Variants in TNIK observed in about 807,000 individuals in gnomAD.
The protein encoded by TNIK is TRAF2 and NCK interacting kinase.
In TNIK, 49 loss-of-function variants were observed where a neutral mutation model predicts 191.3. The ratio of observed to expected loss-of-function variants is 0.26; its 90% confidence interval spans 0.20 to 0.32. The LOEUF (loss-of-function observed/expected upper bound fraction) is 0.32. Among genes scored for constraint, TNIK ranks in the 10% least tolerant of loss-of-function variants. The pLI is 1.00. For synonymous variants in TNIK, 594 were observed against 600.9 expected (o/e 0.99, Z 0.17); for missense variants, 1,155 against 1,702.3 (o/e 0.68, Z 5.66).
In TNIK at chr3:171,200,524, T is replaced by C. The variant is rs138638895; in HGVS notation, c.307-5889A>G. ...ATGTTTCTCGTAGGATGTTTTCTCA[T>C]AGAGGTTGGTCAGGGGTTACTTAGT... On this transcript the variant is annotated intron_variant, in intron 4 of 32. Transcript: ENST00000436636. Among the ~76,000 whole-genome samples the C allele has an allele frequency of 2.8e-3, 428 of 152,336 alleles. 2 individuals carry two copies. Among genetic ancestry groups the C allele is most frequent in the Non-Finnish European group, 4.4e-3 (296 of 68,028 alleles).
chr3:171,094,361 C>A (rs1156341903), intron 22 of TNIK, among the ~76,000 whole-genome samples: 1 of 152,128 alleles, frequency 6.6e-6, no homozygotes, highest in Non-Finnish European at 1.5e-5. Flanking sequence ...TGGTCTCGAT[C>A]TCCTGACCTC....
At chr3:171,193,272 A>G (rs1738278048) in intron 5 of TNIK, among the ~76,000 whole-genome samples, 1 of 152,204 alleles carries the variant, frequency 6.6e-6, no homozygotes, top group South Asian at 2.1e-4. Flanking sequence ...CTTCTTCTTC[A>G]AGATTGCCTT....
At chr3:171,093,994 T>C (rs559048580) in intron 22 of TNIK, 26 bp from the exon 23 acceptor site, 3 of 1,605,222 alleles carry the variant, frequency 1.9e-6, no homozygotes, top group Admixed American at 3.4e-5. Flanking sequence ...ACAACATTCA[T>C]GGCAATGTAT....
At chr3:171,108,248 C>A in intron 19 of TNIK, 86 bp from the exon 20 acceptor site, 1 of 1,066,070 alleles carries the variant, frequency 9.4e-7, no homozygotes, top group South Asian at 1.9e-5. Flanking sequence ...TGTGATGTGT[C>A]ATCACATTGA....
intron 1 of TNIK, among the ~76,000 whole-genome samples, chr3:171,380,746 C>T (rs538758897): frequency 2.6e-4 from 40 of 152,366 alleles, no homozygotes; most frequent in African/African-American, 9.6e-4. Flanking sequence ...AAGAGTTGTG[C>T]ACACTGAAAG....
intron 4 of TNIK, among the ~76,000 whole-genome samples, chr3:171,199,914 G>GATA (rs1366211710): frequency 6.6e-6 from 1 of 152,220 alleles, no homozygotes; most frequent in East Asian, 1.9e-4. Context: ...TGACATGGAA[G>GATA]ATAGCATCAA....
intron 2 of TNIK, among the ~76,000 whole-genome samples, chr3:171,328,582 G>A (rs1756070276): frequency 1.3e-5 from 2 of 152,178 alleles, no homozygotes; most frequent in South Asian, 2.1e-4. Flanking sequence ...ATATTCAAGT[G>A]TAATGGGTTT....
At position 171,459,687 on chromosome 3, in the gene TNIK, C is replaced by CACACACACACACAA. The variant is rs1293096153; in HGVS notation, c.57+319_57+320insTTGTGTGTGTGTGT. ...TGCCCGGGGCGTGTACACACACACA[C>CACACACACACACAA]ACACACACACACACACGCACACACG... On this transcript the variant is annotated intron_variant, in intron 1 of 32. Transcript: ENST00000436636. 1.1e-4 allele frequency among the ~76,000 whole-genome samples: 16 copies of CACACACACACACAA among 151,768 alleles called. No homozygotes were observed. The East Asian group carries it at 1.4e-3, about 13-fold the overall frequency.
chr3:171,130,401 T>C (rs1428935473), intron 15 of TNIK, among the ~76,000 whole-genome samples: 5 of 152,160 alleles, frequency 3.3e-5, no homozygotes, highest in Admixed American at 3.3e-4. Flanking sequence ...GGTTTTGAAA[T>C]CCCGTGTCCC....
intron 2 of TNIK, among the ~76,000 whole-genome samples, chr3:171,283,748 G>A (rs1750727233): frequency 6.6e-6 from 1 of 152,174 alleles, no homozygotes; most frequent in Non-Finnish European, 1.5e-5. Context: ...GCAGCACCAG[G>A]AACTGGTTCC....
intron 2 of TNIK, among the ~76,000 whole-genome samples, chr3:171,322,793 GT>G (rs908647966): frequency 2.2e-5 from 3 of 138,076 alleles, no homozygotes; most frequent in African/African-American, 8.7e-5. Flanking sequence ...CTTTGGCTTT[GT>G]TATTAGTGTT....
chr3:171,149,387 C>G (rs139520356), intron 12 of TNIK, among the ~76,000 whole-genome samples: 1 of 152,178 alleles, frequency 6.6e-6, no homozygotes, highest in Non-Finnish European at 1.5e-5. Flanking sequence ...ACTCTACCTT[C>G]CTATGTCTTA....
At chr3:171,442,880 A>G (rs1029076009) in intron 1 of TNIK, among the ~76,000 whole-genome samples, 1 of 152,156 alleles carries the variant, frequency 6.6e-6, no homozygotes, top group African/African-American at 2.4e-5. Context: ...TCACACTTTT[A>G]CATCTGTTCT....
At chr3:171,077,301 A>T (rs1289599066) in intron 28 of TNIK, among the ~76,000 whole-genome samples, 1 of 151,902 alleles carries the variant, frequency 6.6e-6, no homozygotes, top group East Asian at 1.9e-4. Context: ...TCCCTTCACC[A>T]TCATTCTGGG....
intron 27 of TNIK, 30 bp from the exon 28 acceptor site, chr3:171,079,682 A>G (rs923519478): frequency 1.9e-6 from 3 of 1,581,306 alleles, no homozygotes; most frequent in Non-Finnish European, 2.6e-6. Context: ...TTAATTTCAA[A>G]TTGCTGTGAC....
intron 1 of TNIK, among the ~76,000 whole-genome samples, chr3:171,395,470 G>A (rs1720097538): frequency 6.6e-6 from 1 of 152,084 alleles, no homozygotes; most frequent in African/African-American, 2.4e-5. Flanking sequence ...CTCTTCTCCA[G>A]TTAAATACAG....
At chr3:171,420,694 A>C (rs189066723) in intron 1 of TNIK, among the ~76,000 whole-genome samples, 1 of 152,356 alleles carries the variant, frequency 6.6e-6, no homozygotes, top group African/African-American at 2.4e-5. Context: ...TAGAACAATT[A>C]TAACAATCTG....
intron 2 of TNIK, among the ~76,000 whole-genome samples, chr3:171,246,200 C>T (rs1452291801): frequency 6.6e-6 from 1 of 151,938 alleles, no homozygotes; most frequent in East Asian, 1.9e-4. Flanking sequence ...AAAAGATACA[C>T]CTTTGAGACA....
At chr3:171,074,695 GCTTTT>G (rs1179938385) in intron 28 of TNIK, among the ~76,000 whole-genome samples, 2 of 152,038 alleles carry the variant, frequency 1.3e-5, no homozygotes, top group African/African-American at 4.8e-5. Flanking sequence ...TATACAATTT[GCTTTT>G]CTTTTTTATT....
Sources: allele counts gnomAD v4.1 joint callset (sites outside exome capture counted in the v4.1 genomes callset), GRCh38; gene constraint gnomAD v4.1.1; transcripts MANE v1.5; gene names NCBI Gene and HGNC (gene_info 2026-07-23, HGNC 2026-07-21).